PTPN23: variants seen among roughly 807,000 people sequenced by gnomAD.
PTPN23 encodes the protein tyrosine-protein phosphatase non-receptor type 23.
Under a neutral mutation model 156.3 loss-of-function variants are expected in PTPN23, and 72 were observed. The ratio of observed to expected loss-of-function variants is 0.46; its 90% CI spans 0.38 to 0.56. PTPN23 has a LOEUF of 0.56. PTPN23 is among the 20% of genes least tolerant of loss of function. The probability of loss-of-function intolerance (pLI) is 0.00; values close to 1 mark genes in which losing one functional copy is unlikely to be tolerated. For missense variants in PTPN23, 1,974 were observed against 2,171.5 expected (o/e 0.91, Z 1.81); for synonymous variants, 957 against 899.6 (o/e 1.06, Z -1.14).
intron 1 of PTPN23, among the ~76,000 whole-genome samples, chr3:47,394,735 T>C (rs1704844600): frequency 6.6e-6 from 1 of 152,324 alleles, no homozygotes; most frequent in South Asian, 2.1e-4. Context: ...TTAGATTATA[T>C]ATCATTTCCT....
chr3:47,406,711 G>T lies in PTPN23; in HGVS notation c.768G>T (p.Met256Ile). ...YYFAAVAHLHMGKQAEEQQKF... is the reference protein window; with the variant it reads ...YYFAAVAHLHIGKQAEEQQKF... ...CTCTTCTTCTTTCCCAGCTGCACAT[G>T]GGAAAGCAGGCCGAGGAGCAGCAGA... Residue 256 changes from methionine (M) to isoleucine (I), a missense_variant, in exon 9 of 25, where the codon ATG becomes ATT. By Grantham distance (10) the Met-to-Ile change is conservative. Coordinates refer to ENST00000265562, the MANE Select transcript of PTPN23 (RefSeq NM_015466.4). This position sits in a 1 kb window ranked among gnomAD's most constrained non-coding sequence, Gnocchi z 5.8. 6.2e-7 allele frequency: 1 copy of T among 1,613,982 alleles called. No individual in the cohort carries two copies. The highest frequency in any genetic ancestry group is 1.1e-5 in the South Asian group (1 of 91,072).
chr3:47,406,057 GC>G lies in PTPN23; in HGVS notation c.546+14del. 6.2e-7 allele frequency: 1 copy of G among 1,610,090 alleles called. No homozygotes were observed. On this transcript the variant is annotated intron_variant, in intron 6 of 24. Coordinates refer to ENST00000265562, the MANE Select transcript of PTPN23 (RefSeq NM_015466.4). The surrounding 1 kb of genome is among the most constrained non-coding windows in gnomAD (Gnocchi z 5.8). ...GTCAACCTCATGCTGGTGAGGAGGC[GC>G]CCTGGTTGGAGTGGAGTTGAATCCA...
At chr3:47,390,030 G>A (rs1047732622) in intron 1 of PTPN23, among the ~76,000 whole-genome samples, 6 of 136,452 alleles carry the variant, frequency 4.4e-5, no homozygotes, top group Non-Finnish European at 7.6e-5. Context: ...CCGAGATGGC[G>A]CCATTGCACT....
rs778203733 is a variant in PTPN23, at chr3:47,408,000, C to G, written c.1184+45C>G. 6.3e-7 allele frequency: 1 copy of G among 1,597,858 alleles called. No homozygotes were observed. Among genetic ancestry groups the G allele is most frequent in the Non-Finnish European group, 8.5e-7 (1 of 1,171,206 alleles). ...AGGGAGGCGGAGGCAGGCAGCACTT[C>G]CCGGGCCTCTGGGGGCCCCAGGGCT... On this transcript the variant is annotated intron_variant, in intron 14 of 24. Transcript: ENST00000265562. The surrounding 1 kb of genome is among the most constrained non-coding windows in gnomAD (Gnocchi z 4.0).
At chr3:47,382,680 C>CTTTCTTTTT (rs1704569942) in intron 1 of PTPN23, among the ~76,000 whole-genome samples, 1 of 58,646 alleles carries the variant, frequency 1.7e-5, no homozygotes, top group Non-Finnish European at 3.2e-5. Context: ...TTTTTCTTTT[C>CTTTCTTTTT]TTTTTTTTTT....
Position 47,406,312 on chromosome 3 carries a change from C to G in PTPN23, c.547-13C>G. The stretch of plus-strand genomic sequence containing the variant: ...TGGGTGAGCGAGGGAGTGCACCTCA[C>G]GTGTCGCCCCAGGGCCAGGCTCAGG... On this transcript the variant is annotated splice_polypyrimidine_tract_variant and intron_variant, in intron 6 of 24. Coordinates refer to ENST00000265562, the MANE Select transcript of PTPN23 (RefSeq NM_015466.4). The surrounding 1 kb of genome is among the most constrained non-coding windows in gnomAD (Gnocchi z 5.8). 1 of 1,613,208 alleles carries G rather than the reference C, an allele frequency of 6.2e-7. No homozygotes were observed. The highest frequency in any genetic ancestry group is 1.7e-5 in the Admixed American group (1 of 60,006).
chr3:47,410,316 C>G lies in PTPN23; in HGVS notation c.2518C>G (p.Gln840Glu), dbSNP rs533927802. ...GGGCCTTGTGCCCCGATCCTCCCCACAGCATGGCGTGGTGAGCAGTCCCTA... is the reference window on the plus strand; with the variant it reads ...GGGCCTTGTGCCCCGATCCTCCCCAGAGCATGGCGTGGTGAGCAGTCCCTA... Reference protein sequence around the residue: ...ELGLVPRSSPQHGVVSSPYVG... With the variant: ...ELGLVPRSSPEHGVVSSPYVG... Residue 840 changes from glutamine to glutamate, a missense_variant, in exon 20 of 25, where the codon CAG (glutamine) becomes GAG (glutamate). Coordinates refer to ENST00000265562, the MANE Select transcript of PTPN23 (RefSeq NM_015466.4). The G allele has an allele frequency of 4.7e-5, 75 of 1,605,554 alleles. 2 individuals carry two copies. In the South Asian group the frequency reaches 8.4e-4, roughly 18 times the overall value.
In PTPN23 at chr3:47,409,520, A is replaced by G; in HGVS notation, c.1901A>G (p.Asn634Ser). 1 of 1,614,100 alleles carries G rather than the reference A, an allele frequency of 6.2e-7. No homozygotes were observed. The highest frequency in any genetic ancestry group is 8.5e-7 in the Non-Finnish European group (1 of 1,179,974). Residue 634 changes from asparagine (N) to serine (S), a missense_variant, in exon 18 of 25, where the codon AAC becomes AGC. Asn to Ser is a conservative substitution (Grantham distance 46). Transcript: ENST00000265562. ...DRVLCALTEA[N>S]VQYAAVRRVL... The stretch of plus-strand genomic sequence containing the variant: ...GTCCTCTGTGCACTGACAGAGGCCA[A>G]CGTGCAGTACGCAGCCGTGCGGCGG...
chr3:47,412,074 G>A lies in PTPN23; in HGVS notation c.4074-20G>A. The A allele has an allele frequency of 6.2e-7, 1 of 1,612,632 alleles. No individual in the cohort carries two copies. Among genetic ancestry groups the A allele is most frequent in the Non-Finnish European group, 8.5e-7 (1 of 1,179,768 alleles). ...CAGGCCTGGCTCATAGGCTCTTCCT[G>A]GCCCCATCCTGTCCCACAGAGGCCT... On this transcript the variant is annotated intron_variant, in intron 21 of 24. Coordinates refer to ENST00000265562, the MANE Select transcript of PTPN23 (RefSeq NM_015466.4).
Position 47,407,578 on chromosome 3 carries a change from G to C in PTPN23, c.997G>C (p.Val333Leu). The C allele has an allele frequency of 6.2e-7, 1 of 1,613,472 alleles. No homozygotes were observed. The highest frequency in any genetic ancestry group is 8.5e-7 in the Non-Finnish European group (1 of 1,179,444). ...AVPALDTLQP[V>L]KGAPLVKPLP... ...CCCAGCATTGGACACTCTTCAGCCT[G>C]TAAAAGGTCGGGGAGCTGAGAGGTG... Residue 333 changes from valine (V) to leucine (L), a missense_variant, in exon 12 of 25, where the codon GTA becomes CTA. Coordinates refer to ENST00000265562, the MANE Select transcript of PTPN23 (RefSeq NM_015466.4). The surrounding 1 kb of genome is among the most constrained non-coding windows in gnomAD (Gnocchi z 4.0).
chr3:47,412,802 C>T lies in PTPN23; in HGVS notation c.4528C>T (p.Pro1510Ser), dbSNP rs761927749. ...ATIAKLSIRP[P>S]GGLESPVASL... ...CATTGCCAAGCTCAGCATTCGGCCT[C>T]CTGGGGGGTTGGAGTCCCCGGTTGC... Residue 1510 changes from proline (P) to serine (S), a missense_variant, in exon 25 of 25, where the codon CCT becomes TCT. Around this residue, in one of 4 missense-constraint regions of PTPN23, gnomAD observed 484 missense variants for 516.0 expected, o/e 0.94. Transcript: ENST00000265562. 13 of 1,613,450 alleles carry T rather than the reference C, an allele frequency of 8.1e-6. No individual in the cohort carries two copies. The highest frequency in any genetic ancestry group is 1.1e-5 in the Non-Finnish European group (13 of 1,179,960).
intron 2 of PTPN23, among the ~76,000 whole-genome samples, chr3:47,402,445 AC>A (rs1369081668): frequency 6.6e-6 from 1 of 151,862 alleles, no homozygotes; most frequent in African/African-American, 2.4e-5. Flanking sequence ...ATGCCTGGCT[AC>A]TTTTTGTGTT....
In PTPN23 at chr3:47,413,031, A is replaced by C; in HGVS notation, c.4757A>C (p.Glu1586Ala). 1 of 1,612,820 alleles carries C rather than the reference A, an allele frequency of 6.2e-7. No individual in the cohort carries two copies. Among genetic ancestry groups the C allele is most frequent in the Non-Finnish European group, 8.5e-7 (1 of 1,179,960 alleles). The change falls in exon 25 of 25, where the codon GAG becomes GCG. Residue 1586 changes from glutamate to alanine, a missense_variant. This residue lies in a region of PTPN23 where 484 missense variants were observed against 516.0 expected (regional missense o/e 0.94). Transcript: ENST00000265562. Reference sequence around the variant, plus strand: ...GAATTGCTGGCCTCCTTGACCCCAGAGGCCTTCTCCCTGGACAGCTCCCTG... The same window carrying C: ...GAATTGCTGGCCTCCTTGACCCCAGCGGCCTTCTCCCTGGACAGCTCCCTG... Reference protein sequence around the residue: ...SLELLASLTPEAFSLDSSLRG... With the variant: ...SLELLASLTPAAFSLDSSLRG...
rs1705152792 is a variant in PTPN23, at chr3:47,407,367, A to C, written c.923A>C (p.Lys308Thr). The change falls in exon 11 of 25, where the codon AAG becomes ACG. Residue 308 changes from lysine to threonine, a missense_variant and splice_region_variant. Coordinates refer to ENST00000265562, the MANE Select transcript of PTPN23 (RefSeq NM_015466.4). The surrounding 1 kb of genome is among the most constrained non-coding windows in gnomAD (Gnocchi z 4.0). ...TTCACTATGGATGTCATTGGGGGAA[A>C]GTGAGTCTGTGGGGGTGGCCCTGGT... The part of the protein sequence containing the change: ...LRFTMDVIGG[K>T]YNSAKKDNDF... 6.2e-7 allele frequency: 1 copy of C among 1,613,948 alleles called. No individual in the cohort carries two copies. The highest frequency in any genetic ancestry group is 1.1e-5 in the South Asian group (1 of 91,072).
Position 47,406,001 on chromosome 3 carries a change from C to A in PTPN23, c.501C>A (p.Val167=). The part of the protein sequence containing the change: ...LREHFPQAYS[V]DMSRQILTLN... ...AGCACTTCCCTCAAGCCTACAGCGT[C>A]GACATGAGCCGCCAGATCCTTACGC... Residue 167 remains valine (V), a synonymous_variant, in exon 6 of 25, where the codon GTC becomes GTA. Coordinates refer to ENST00000265562, the MANE Select transcript of PTPN23 (RefSeq NM_015466.4). The surrounding 1 kb of genome is among the most constrained non-coding windows in gnomAD (Gnocchi z 5.8). 1 of 1,613,682 alleles carries A rather than the reference C, an allele frequency of 6.2e-7. No homozygotes were observed. Among genetic ancestry groups the A allele is most frequent in the Non-Finnish European group, 8.5e-7 (1 of 1,179,924 alleles).
At chr3:47,409,899 GC>G in intron 19 of PTPN23, 28 bp from the exon 20 acceptor site, 1 of 1,575,324 alleles carries the variant, frequency 6.3e-7, no homozygotes, top group Non-Finnish European at 8.6e-7. Context: ...TGGGAGCCTG[GC>G]CCCACTTTTT....
At chr3:47,385,535 G>A (rs1040863574) in intron 1 of PTPN23, among the ~76,000 whole-genome samples, 1 of 152,052 alleles carries the variant, frequency 6.6e-6, no homozygotes, top group Admixed American at 6.6e-5. Context: ...AAATTAGCTG[G>A]GCATGGTGGT....
intron 1 of PTPN23, among the ~76,000 whole-genome samples, chr3:47,395,129 C>T (rs1484401338): frequency 6.6e-6 from 1 of 152,222 alleles, no homozygotes; most frequent in Non-Finnish European, 1.5e-5. Context: ...TCCCATGTGG[C>T]TGATTCCTTA....
At chr3:47,386,162 GT>G (rs937558419) in intron 1 of PTPN23, among the ~76,000 whole-genome samples, 2 of 151,026 alleles carry the variant, frequency 1.3e-5, no homozygotes, top group African/African-American at 4.9e-5. Context: ...GTGCACGCTG[GT>G]TTTTTTTTCT....
Sources: gnomAD v4.1 joint callset for allele counts (sites outside exome capture counted in the v4.1 genomes callset) on GRCh38, gnomAD v4.1.1 for gene constraint, gnomAD v4.1.1 regional missense constraint, Gnocchi (gnomAD v3.1) non-coding constraint, MANE v1.5 for transcripts, NCBI Gene and HGNC (gene_info 2026-07-23, HGNC 2026-07-21) for gene names.